DHX35: variants seen among roughly 807,000 people sequenced by gnomAD.
The protein encoded by DHX35 is probable ATP-dependent RNA helicase DHX35.
Under a neutral mutation model 99.6 loss-of-function variants are expected in DHX35, and 84 were observed. That is an observed-to-expected ratio of 0.84 (90% CI 0.71 to 1.01). The LOEUF (loss-of-function observed/expected upper bound fraction) is 1.01, where lower values mean the gene tolerates loss of function less well. Among genes scored for constraint, DHX35 ranks in the 50% least tolerant of loss-of-function variants. The pLI, the probability that DHX35 is intolerant of heterozygous loss-of-function variation, is 0.00. For missense variants in DHX35, 852 were observed against 888.5 expected (o/e 0.96, Z 0.52); for synonymous variants, 331 against 316.2 (o/e 1.05, Z -0.50).
chr20:39,019,108 T>C (rs2086833473), intron 15 of DHX35, among the ~76,000 whole-genome samples: 2 of 152,186 alleles, frequency 1.3e-5, no homozygotes, highest in Admixed American at 1.3e-4. Flanking sequence ...ATCAGCACCA[T>C]CCATTTCTAG....
chr20:38,972,404 A>T (rs1417291807), intron 2 of DHX35, among the ~76,000 whole-genome samples, 155 bp from the exon 3 acceptor site: 1 of 152,242 alleles, frequency 6.6e-6, no homozygotes, highest in African/African-American at 2.4e-5. Flanking sequence ...TCATACTGAG[A>T]GGAACAGTAC....
At chr20:39,022,736 C>G (rs1236762085) in intron 16 of DHX35, among the ~76,000 whole-genome samples, 1 of 152,226 alleles carries the variant, frequency 6.6e-6, no homozygotes, top group Non-Finnish European at 1.5e-5. Flanking sequence ...CCATTATAAG[C>G]TAGAGAGATC....
chr20:38,962,782 G>A (rs1445198560), intron 1 of DHX35: 1 of 264,262 alleles, frequency 3.8e-6, no homozygotes, highest in East Asian at 9.1e-5. Context: ...CTCGCTGCTG[G>A]AGGCTTGCAA....
intron 8 of DHX35, among the ~76,000 whole-genome samples, chr20:38,997,323 G>A (rs941347126): frequency 7.9e-5 from 12 of 151,936 alleles, no homozygotes; most frequent in Non-Finnish European, 1.0e-4. Context: ...CTCCCGCCTT[G>A]GACTCCCAAA....
chr20:39,014,864 T>G lies in DHX35; in HGVS notation c.1348-16T>G. ...CCAAATAAATTGATTCAGGAAGATTTTTATGTTTTTTCCAGCCCCCTCCAG... is the reference window on the plus strand; with the variant it reads ...CCAAATAAATTGATTCAGGAAGATTGTTATGTTTTTTCCAGCCCCCTCCAG... On this transcript the variant is annotated splice_polypyrimidine_tract_variant and intron_variant, in intron 13 of 21. Coordinates refer to ENST00000252011, the MANE Select transcript of DHX35 (RefSeq NM_021931.4). The G allele has an allele frequency of 6.2e-7, 1 of 1,614,138 alleles. No individual in the cohort carries two copies. The highest frequency in any genetic ancestry group is 8.5e-7 in the Non-Finnish European group (1 of 1,180,012).
chr20:38,964,738 T>C (rs1383392194), intron 1 of DHX35, among the ~76,000 whole-genome samples: 1 of 152,202 alleles, frequency 6.6e-6, no homozygotes, highest in African/African-American at 2.4e-5. Context: ...CTGACTTCAG[T>C]GTTTTTAAGC....
intron 21 of DHX35, among the ~76,000 whole-genome samples, chr20:39,034,698 C>A (rs1380280481): frequency 6.6e-6 from 1 of 152,042 alleles, no homozygotes; most frequent in Non-Finnish European, 1.5e-5. Context: ...AGCAATTCTC[C>A]TGCCTTAGCC....
intron 12 of DHX35, among the ~76,000 whole-genome samples, chr20:39,009,755 T>A (rs570123404): frequency 3.3e-5 from 5 of 152,198 alleles, no homozygotes; most frequent in Non-Finnish European, 7.3e-5. Flanking sequence ...TGGTAGGGCA[T>A]GTAAACATTC....
intron 3 of DHX35, among the ~76,000 whole-genome samples, chr20:38,975,981 A>G (rs1477629175): frequency 6.6e-6 from 1 of 152,208 alleles, no homozygotes; most frequent in Non-Finnish European, 1.5e-5. Flanking sequence ...AATATATCAC[A>G]GTGATTTGGC....
chr20:39,025,476 G>A, intron 18 of DHX35, 117 bp downstream of exon 18: 1 of 1,238,570 alleles, frequency 8.1e-7, no homozygotes, highest in Non-Finnish European at 1.1e-6. Flanking sequence ...TACCAACACT[G>A]GGTTTTATAT....
At chr20:39,009,304 G>C (rs2086664116) in intron 12 of DHX35, among the ~76,000 whole-genome samples, 1 of 152,144 alleles carries the variant, frequency 6.6e-6, no homozygotes, top group Non-Finnish European at 1.5e-5. Flanking sequence ...GAACCTTCTA[G>C]TTAGACCCAA....
rs1568714388 is a variant in DHX35 at position 38,971,994 on chromosome 20, G to GT, written c.175-561dup. On this transcript the variant is annotated intron_variant, in intron 2 of 21. Transcript: ENST00000252011. ...ATGTCTATAATTTCTTGTTTTTTTT[G>GT]TTTTGTTTTGTTTTTTTTTTTTTTT... Among the ~76,000 whole-genome samples the GT allele has an allele frequency of 2.4e-3, 266 of 112,028 alleles. 10 individuals carry two copies. Among genetic ancestry groups the GT allele is most frequent in the Non-Finnish European group, 3.7e-3 (195 of 52,786 alleles). 73.5% of individuals were successfully genotyped at this position (112,028 alleles called of 152,430 possible). A position where few individuals can be genotyped will look rare whatever the true frequency, so the allele number is the denominator to read the frequency against.
At chr20:39,000,361 C>T (rs771266172) in intron 8 of DHX35, among the ~76,000 whole-genome samples, 2 of 152,142 alleles carry the variant, frequency 1.3e-5, no homozygotes, top group East Asian at 1.9e-4. Context: ...TCTTTTGGGG[C>T]ATGGGGTGTC....
intron 3 of DHX35, among the ~76,000 whole-genome samples, chr20:38,980,982 G>T (rs1332918632): frequency 1.3e-5 from 2 of 152,046 alleles, no homozygotes; most frequent in Non-Finnish European, 2.9e-5. Flanking sequence ...CCTCAGTTTG[G>T]GTTTATGTCA....
At position 39,007,223 on chromosome 20, in the gene DHX35, C is replaced by T. The variant is rs184258173; in HGVS notation, c.1222+867C>T. 4.3e-4 allele frequency among the ~76,000 whole-genome samples: 65 copies of T among 152,302 alleles called. No homozygotes were observed. In the Middle Eastern group the frequency reaches 0.01, roughly 24 times the overall value. ...CTGGTTATTATTGTCCTTGTTCAGT[C>T]TTTGATGTTGATCTTTCTTTTAGCA... is the stretch of plus-strand genomic sequence containing the variant. On this transcript the variant is annotated intron_variant, in intron 12 of 21. Coordinates refer to ENST00000252011, the MANE Select transcript of DHX35 (RefSeq NM_021931.4).
At chr20:38,979,049 G>A (rs2086128824) in intron 3 of DHX35, among the ~76,000 whole-genome samples, 1 of 152,108 alleles carries the variant, frequency 6.6e-6, no homozygotes, top group African/African-American at 2.4e-5. Flanking sequence ...CCATTGGTCT[G>A]TGTGTCTGTT....
At chr20:38,983,662 G>A (rs751946114) in intron 3 of DHX35, 37 bp from the exon 4 acceptor site, 3 of 1,573,042 alleles carry the variant, frequency 1.9e-6, no homozygotes, top group Non-Finnish European at 2.6e-6. Context: ...TGCAAAAGTG[G>A]TATCATATGT....
chr20:39,026,730 C>T (rs910787488), intron 18 of DHX35, among the ~76,000 whole-genome samples: 11 of 152,002 alleles, frequency 7.2e-5, no homozygotes, highest in African/African-American at 1.5e-4. Flanking sequence ...GTATATGAGA[C>T]GCTCAGAGAA....
chr20:38,967,645 A>G (rs1317431474), intron 1 of DHX35, among the ~76,000 whole-genome samples: 3 of 152,218 alleles, frequency 2.0e-5, no homozygotes, highest in Non-Finnish European at 2.9e-5. Flanking sequence ...GGAACCTTCA[A>G]CAGGTTTTCA....
Sources: allele counts gnomAD v4.1 joint callset (sites outside exome capture counted in the v4.1 genomes callset), GRCh38; gene constraint gnomAD v4.1.1; transcripts MANE v1.5; gene names NCBI Gene and HGNC (gene_info 2026-07-23, HGNC 2026-07-21).